Variants in IL12RB2 observed in about 807,000 individuals in gnomAD.
The protein encoded by IL12RB2 is interleukin 12 receptor subunit beta 2.
A neutral mutation model predicts 89.4 loss-of-function variants in IL12RB2; 82 were observed. That is an observed-to-expected ratio of 0.92 (90% CI 0.77 to 1.10). The LOEUF (loss-of-function observed/expected upper bound fraction) is 1.10. Ranked by LOEUF, IL12RB2 falls within the 50% of genes least tolerant of loss-of-function variation. The probability of loss-of-function intolerance (pLI) is 0.00; values close to 1 mark genes in which losing one functional copy is unlikely to be tolerated. For missense variants in IL12RB2, 963 were observed against 1,031.9 expected (o/e 0.93, Z 0.92); for synonymous variants, 368 against 370.1 (o/e 0.99, Z 0.07).
At chr1:67,354,741 G>A (rs1462929293) in intron 10 of IL12RB2, among the ~76,000 whole-genome samples, 1 of 152,162 alleles carries the variant, frequency 6.6e-6, no homozygotes, top group African/African-American at 2.4e-5. Flanking sequence ...ATCTGTAGGG[G>A]TAGAACATGA....
intron 15 of IL12RB2, among the ~76,000 whole-genome samples, chr1:67,387,319 A>G (rs1222413252): frequency 6.6e-6 from 1 of 152,254 alleles, no homozygotes; most frequent in South Asian, 2.1e-4. Context: ...GACAACCTAA[A>G]CGCCCAATGA....
At chr1:67,320,192 A>C in intron 2 of IL12RB2, 141 bp from the exon 3 acceptor site, 1 of 1,321,346 alleles carries the variant, frequency 7.6e-7, no homozygotes, top group Non-Finnish European at 1.0e-6. Context: ...CTAGTTTTAA[A>C]GGTACATGTC....
At chr1:67,331,091 A>G (rs930287623) in intron 8 of IL12RB2, among the ~76,000 whole-genome samples, 1 of 152,200 alleles carries the variant, frequency 6.6e-6, no homozygotes, top group African/African-American at 2.4e-5. Context: ...TATCTCTCTT[A>G]CTATCTCAGT....
At chr1:67,373,361 C>T (rs893311047) in intron 13 of IL12RB2, among the ~76,000 whole-genome samples, 3 of 152,220 alleles carry the variant, frequency 2.0e-5, no homozygotes, top group Admixed American at 6.5e-5. Context: ...TTGCCTACCT[C>T]GGCCTCCCAA....
chr1:67,309,536 T>C (rs1654740809), intron 1 of IL12RB2, among the ~76,000 whole-genome samples: 1 of 152,200 alleles, frequency 6.6e-6, no homozygotes, highest in Non-Finnish European at 1.5e-5. Flanking sequence ...CCTCAATACA[T>C]TACACTATCT....
intron 16 of IL12RB2, among the ~76,000 whole-genome samples, chr1:67,394,149 G>A (rs562138989): frequency 1.3e-4 from 20 of 152,234 alleles, no homozygotes; most frequent in African/African-American, 4.1e-4. Flanking sequence ...TAGTAAGACC[G>A]GGACAGTGGT....
At chr1:67,377,122 C>T (rs572261448) in intron 13 of IL12RB2, among the ~76,000 whole-genome samples, 1 of 152,294 alleles carries the variant, frequency 6.6e-6, no homozygotes, top group African/African-American at 2.4e-5. Context: ...TATTATAGGA[C>T]TTCATCTTGC....
At chr1:67,360,343 G>A (rs1231489674) in intron 10 of IL12RB2, among the ~76,000 whole-genome samples, 1 of 151,520 alleles carries the variant, frequency 6.6e-6, no homozygotes, top group African/African-American at 2.4e-5. Context: ...AGGTTGCAGT[G>A]AGCCAAGATG....
intron 1 of IL12RB2, among the ~76,000 whole-genome samples, 186 bp from the exon 2 acceptor site, chr1:67,313,727 G>A (rs546603420): frequency 6.6e-6 from 1 of 152,322 alleles, no homozygotes; most frequent in South Asian, 2.1e-4. Flanking sequence ...TCAGGAGGTT[G>A]AGGCAAGAGA....
intron 13 of IL12RB2, among the ~76,000 whole-genome samples, chr1:67,377,678 A>C: frequency 7.1e-6 from 1 of 141,248 alleles, no homozygotes. Flanking sequence ...CTCATTGCCT[A>C]TCTTCCCCAC....
At position 67,390,028 on chromosome 1, in the gene IL12RB2, G is replaced by A. The variant is rs1557480174; in HGVS notation, c.1947-1G>A. On this transcript the variant is annotated splice_acceptor_variant, in intron 15 of 16. Coordinates refer to ENST00000674203, the MANE Select transcript of IL12RB2 (RefSeq NM_001374259.2). LOFTEE classifies it high-confidence loss of function. ...AATGTCACTGTTTTCTTTATCTATA[G>A]GGTGTTTGTTCTCCTAGCAGCCCTC... The A allele has an allele frequency of 8.9e-7, 1 of 1,126,706 alleles. No homozygotes were observed. The highest frequency in any genetic ancestry group is 1.4e-6 in the Non-Finnish European group (1 of 734,516). 69.8% of individuals were successfully genotyped at this position (1,126,706 alleles called of 1,614,324 possible). A position where few individuals can be genotyped will look rare whatever the true frequency, so the allele number is the denominator to read the frequency against.
In IL12RB2 at chr1:67,328,183, T is replaced by A; in HGVS notation, c.480-17T>A. On this transcript the variant is annotated splice_polypyrimidine_tract_variant and intron_variant, in intron 5 of 16. Coordinates refer to ENST00000674203, the MANE Select transcript of IL12RB2 (RefSeq NM_001374259.2). Reference sequence around the variant, plus strand: ...ACATAAAACATGTTGCTACACGTGGTTGTGTTTTGTTTACAGGCTAAGTGG... The same window carrying A: ...ACATAAAACATGTTGCTACACGTGGATGTGTTTTGTTTACAGGCTAAGTGG... 6.5e-7 allele frequency: 1 copy of A among 1,549,494 alleles called. No individual in the cohort carries two copies. Among genetic ancestry groups the A allele is most frequent in the Non-Finnish European group, 8.9e-7 (1 of 1,120,930 alleles).
chr1:67,373,983 A>T (rs1408528808), intron 13 of IL12RB2, among the ~76,000 whole-genome samples: 2 of 152,342 alleles, frequency 1.3e-5, no homozygotes, highest in Non-Finnish European at 2.9e-5. Flanking sequence ...AAACATGAAG[A>T]TAGTTCAGAA....
intron 13 of IL12RB2, among the ~76,000 whole-genome samples, chr1:67,375,638 G>A (rs766900934): frequency 4.6e-5 from 7 of 152,082 alleles, no homozygotes; most frequent in Non-Finnish European, 1.0e-4. Flanking sequence ...GCAGTATTAA[G>A]GGCATATGTG....
intron 15 of IL12RB2, among the ~76,000 whole-genome samples, chr1:67,386,875 TATATATATATATA>T (rs1665231394): frequency 4.0e-4 from 8 of 19,972 alleles, no homozygotes; most frequent in African/African-American, 1.0e-3. Context: ...ATGTATTTTA[TATATATATATATA>T]TATATATATA....
chr1:67,338,193 G>C (rs547073682), intron 8 of IL12RB2, among the ~76,000 whole-genome samples: 5 of 151,498 alleles, frequency 3.3e-5, no homozygotes, highest in Non-Finnish European at 7.4e-5. Context: ...GCCAGGCGTG[G>C]TGGTACGCAC....
At chr1:67,336,765 G>A (rs551599713) in intron 8 of IL12RB2, among the ~76,000 whole-genome samples, 28 of 152,316 alleles carry the variant, frequency 1.8e-4, no homozygotes, top group Non-Finnish European at 3.7e-4. Context: ...CAGAGCCAAG[G>A]CTATGGGCTC....
chr1:67,367,471 G>GGAAGGAAGGAAGGAAGGAAGGAAGCAAA (rs1662812467), intron 10 of IL12RB2, among the ~76,000 whole-genome samples: 1 of 139,132 alleles, frequency 7.2e-6, no homozygotes, highest in African/African-American at 2.7e-5. Flanking sequence ...AGGGAAGGAA[G>GGAAGGAAGGAAGGAAGGAAGGAAGCAAA]GAAGGAAGGA....
intron 10 of IL12RB2, 136 bp from the exon 11 acceptor site, chr1:67,367,689 A>G (rs1662858355): frequency 1.4e-6 from 1 of 700,736 alleles, no homozygotes; most frequent in African/African-American, 1.8e-5. Context: ...TAAATCTGTG[A>G]CTCCAAAGTC....
Sources: gnomAD v4.1 joint callset for allele counts (sites outside exome capture counted in the v4.1 genomes callset) on GRCh38, gnomAD v4.1.1 for gene constraint, MANE v1.5 for transcripts, NCBI Gene and HGNC (gene_info 2026-07-23, HGNC 2026-07-21) for gene names.